CCDC171: variants seen among roughly 807,000 people sequenced by gnomAD.
The protein encoded by CCDC171 is coiled-coil domain-containing protein 171.
In CCDC171, 177 loss-of-function variants were observed where a neutral mutation model predicts 168.2. The ratio of observed to expected loss-of-function variants is 1.05; its 90% CI spans 0.93 to 1.19. The LOEUF (loss-of-function observed/expected upper bound fraction) is 1.19. CCDC171 is among the 50% of genes most tolerant of loss of function. The probability of loss-of-function intolerance (pLI) is 0.00; values close to 1 mark genes in which losing one functional copy is unlikely to be tolerated. For missense variants in CCDC171, 1,991 were observed against 1,539.0 expected, an observed-to-expected ratio of 1.29 and a Z score of -4.91; for synonymous variants, 687 against 540.8, an observed-to-expected ratio of 1.27 and a Z score of -3.75.
At chr9:16,043,639 T>C (rs1276877047) in intron 1 of CCDC171, among the ~76,000 whole-genome samples, 1 of 152,202 alleles carries the variant, frequency 6.6e-6, no homozygotes, top group South Asian at 2.1e-4. Context: ...GGAATCCTTT[T>C]GAGGAGAGAC....
At chr9:15,741,218 C>T (rs2054859952) in intron 16 of CCDC171, among the ~76,000 whole-genome samples, 1 of 152,158 alleles carries the variant, frequency 6.6e-6, no homozygotes, top group African/African-American at 2.4e-5. Flanking sequence ...GCACAACCAT[C>T]ACCACTATTT....
chr9:15,954,903 T>G lies in CCDC171; in HGVS notation c.3754-16706T>G, dbSNP rs543218864. Among the ~76,000 whole-genome samples, 3 of 152,234 alleles carry G rather than the reference T, an allele frequency of 2.0e-5. No homozygotes were observed. The South Asian group carries it at 6.2e-4, about 31-fold the overall frequency. ...AGACAGTTGTTGTAATGTCTTTGTCTCAGAGACCTGCCATCAAATCTTCTT... is the reference window on the plus strand; with the variant it reads ...AGACAGTTGTTGTAATGTCTTTGTCGCAGAGACCTGCCATCAAATCTTCTT... On this transcript the variant is annotated intron_variant, in intron 25 of 25. Transcript: ENST00000380701.
chr9:15,647,999 T>A (rs1346655631), intron 7 of CCDC171, among the ~76,000 whole-genome samples: 1 of 152,180 alleles, frequency 6.6e-6, no homozygotes, highest in African/African-American at 2.4e-5. Context: ...AAATCCTCAA[T>A]AAAATACTGG....
intron 25 of CCDC171, among the ~76,000 whole-genome samples, chr9:15,946,232 T>G (rs1828362342): frequency 6.6e-6 from 1 of 152,016 alleles, no homozygotes; most frequent in South Asian, 2.1e-4. Flanking sequence ...TCTGTTCCAT[T>G]GATCTATATC....
At chr9:15,878,931 A>G (rs1011200836) in intron 24 of CCDC171, among the ~76,000 whole-genome samples, 11 of 152,156 alleles carry the variant, frequency 7.2e-5, no homozygotes, top group Non-Finnish European at 1.5e-4. Context: ...ATGAGAACAC[A>G]TGGACACAAA....
chr9:15,593,958 G>A, intron 5 of CCDC171, 83 bp from the exon 6 acceptor site: 1 of 861,594 alleles, frequency 1.2e-6, no homozygotes. Context: ...GGTAAGGAGA[G>A]CCTCTTTGTA....
In CCDC171 at chr9:15,846,200, A is replaced by G. The variant is rs188125184; in HGVS notation, c.3268-502A>G. 6.4e-3 allele frequency among the ~76,000 whole-genome samples: 975 copies of G among 152,224 alleles called. 8 individuals are homozygous for G. The highest frequency in any genetic ancestry group is 9.9e-3 in the Non-Finnish European group (671 of 67,996). Reference sequence around the variant, plus strand: ...CTGAAATGTCTATAGCCACCTAACTATATATTTATAAAGACAGTAGTGGTA... The same window carrying G: ...CTGAAATGTCTATAGCCACCTAACTGTATATTTATAAAGACAGTAGTGGTA... On this transcript the variant is annotated intron_variant, in intron 21 of 25. Coordinates refer to ENST00000380701, the MANE Select transcript of CCDC171 (RefSeq NM_173550.4).
At chr9:15,722,505 T>C (rs1172509379) in intron 12 of CCDC171, among the ~76,000 whole-genome samples, 1 of 152,208 alleles carries the variant, frequency 6.6e-6, no homozygotes, top group Non-Finnish European at 1.5e-5. Flanking sequence ...AATTTGTGCT[T>C]TAAGAATTGA....
At chr9:15,737,625 G>A (rs188500646) in intron 16 of CCDC171, among the ~76,000 whole-genome samples, 70 of 152,234 alleles carry the variant, frequency 4.6e-4, no homozygotes, top group African/African-American at 1.7e-3. Flanking sequence ...TCTTTTGAGG[G>A]TATGGCTTAT....
chr9:15,692,994 G>A (rs899370008), intron 10 of CCDC171, among the ~76,000 whole-genome samples: 33 of 152,020 alleles, frequency 2.2e-4, no homozygotes, highest in African/African-American at 7.2e-4. Flanking sequence ...AAAATTAGTC[G>A]GGTGTGGTCG....
intron 8 of CCDC171, among the ~76,000 whole-genome samples, chr9:15,664,628 TA>T (rs1182999003): frequency 1.4e-5 from 2 of 146,160 alleles, no homozygotes; most frequent in Non-Finnish European, 3.0e-5. Context: ...CAGCTACATA[TA>T]ATTATTTTGT....
intron 7 of CCDC171, among the ~76,000 whole-genome samples, chr9:15,646,222 T>G (rs1477440916): frequency 6.6e-6 from 1 of 152,160 alleles, no homozygotes; most frequent in Non-Finnish European, 1.5e-5. Context: ...CCACCAGGCC[T>G]GCCTTACAAG....
the CCDC171 span, among the ~76,000 whole-genome samples, chr9:16,074,292 G>C: frequency 6.6e-6 from 1 of 152,048 alleles, no homozygotes; most frequent in African/African-American, 2.4e-5. Flanking sequence ...TCTTTGTCTT[G>C]CTGGATATAT....
intron 25 of CCDC171, among the ~76,000 whole-genome samples, chr9:15,952,342 A>G (rs1382258141): frequency 6.6e-6 from 1 of 152,104 alleles, no homozygotes; most frequent in Non-Finnish European, 1.5e-5. Flanking sequence ...TCCTTTTTTC[A>G]ATCTTGTTTT....
At chr9:15,806,573 C>G (rs1007963580) in intron 21 of CCDC171, among the ~76,000 whole-genome samples, 2 of 152,112 alleles carry the variant, frequency 1.3e-5, no homozygotes, top group African/African-American at 2.4e-5. Context: ...CCAATCTGTT[C>G]TTGCTTGTAC....
At chr9:15,748,169 T>C (rs1276085245) in intron 18 of CCDC171, among the ~76,000 whole-genome samples, 1 of 152,084 alleles carries the variant, frequency 6.6e-6, no homozygotes, top group Non-Finnish European at 1.5e-5. Flanking sequence ...GAGAAATTCA[T>C]GAAGCATACA....
rs576887926 is a variant in CCDC171, at chr9:15,934,787, T to C, written c.3753+14365T>C. On this transcript the variant is annotated intron_variant, in intron 25 of 25. Coordinates refer to ENST00000380701, the MANE Select transcript of CCDC171 (RefSeq NM_173550.4). ...TCAGTTGATGAATAGGTAAATGCCATACAGCCAAACCATGGACGAATAATA... is the reference window on the plus strand; with the variant it reads ...TCAGTTGATGAATAGGTAAATGCCACACAGCCAAACCATGGACGAATAATA... 9.2e-5 allele frequency among the ~76,000 whole-genome samples: 14 copies of C among 152,138 alleles called. No homozygotes were observed. The East Asian group carries it at 2.7e-3, about 30-fold the overall frequency.
At chr9:15,587,770 C>A in intron 4 of CCDC171, 1 of 364,514 alleles carries the variant, frequency 2.7e-6, no homozygotes. Context: ...CAAGAGTTAC[C>A]AGATATATGA....
intron 11 of CCDC171, among the ~76,000 whole-genome samples, chr9:15,717,370 G>A (rs541050648): frequency 2.4e-4 from 37 of 152,316 alleles, no homozygotes; most frequent in African/African-American, 7.9e-4. Context: ...GGACTAAAGT[G>A]CTCAGGGTCC....
Sources: allele counts gnomAD v4.1 joint callset (sites outside exome capture counted in the v4.1 genomes callset), GRCh38; gene constraint gnomAD v4.1.1; transcripts MANE v1.5; gene names NCBI Gene and HGNC (gene_info 2026-07-23, HGNC 2026-07-21).